The following LRP1B variants were observed in gnomAD, a reference collection of about 807,000 sequenced individuals.
The protein encoded by LRP1B is low-density lipoprotein receptor-related protein 1B.
LRP1B carries 217 observed loss-of-function variants against 556.6 expected under a neutral mutation model. The observed-to-expected ratio is 0.39, with a 90% CI of 0.35 to 0.44. The LOEUF is 0.44. LRP1B is among the 20% of genes least tolerant of loss of function. LRP1B has a pLI of 1.00. For missense variants in LRP1B, 5,053 were observed against 5,620.8 expected (o/e 0.90, Z 3.23); for synonymous variants, 2,047 against 1,865.8 (o/e 1.10, Z -2.50).
chr2:141,398,091 T>C (rs143434289), intron 3 of LRP1B, among the ~76,000 whole-genome samples: 10 of 152,190 alleles, frequency 6.6e-5, no homozygotes, highest in African/African-American at 2.4e-4. Context: ...ATCAATAATA[T>C]ATGTGAAATA....
In LRP1B at chr2:140,974,805, C is replaced by T. The variant is rs191168689; in HGVS notation, c.2887+7355G>A. 2.0e-5 allele frequency among the ~76,000 whole-genome samples: 3 copies of T among 152,292 alleles called. No homozygotes were observed. The East Asian group carries it at 5.8e-4, about 29-fold the overall frequency. On this transcript the variant is annotated intron_variant, in intron 18 of 90. Transcript: ENST00000389484. ...AACCATTTCATATAATAGGGGAGTA[C>T]TGCACAAGTCAACCTTCTGGAGAGA...
At chr2:141,339,427 TA>T (rs1326079059) in intron 3 of LRP1B, among the ~76,000 whole-genome samples, 1 of 152,212 alleles carries the variant, frequency 6.6e-6, no homozygotes, top group African/African-American at 2.4e-5. Context: ...GCTTTTCTTT[TA>T]CTACATATTG....
intron 2 of LRP1B, among the ~76,000 whole-genome samples, chr2:141,751,375 T>C (rs915533825): frequency 2.0e-5 from 3 of 152,192 alleles, no homozygotes; most frequent in Non-Finnish European, 4.4e-5. Context: ...AATTCATCTT[T>C]ACTGTAGTTT....
chr2:141,125,851 A>AAAC (rs1191894505), intron 7 of LRP1B, among the ~76,000 whole-genome samples: 2 of 147,942 alleles, frequency 1.4e-5, no homozygotes, highest in Admixed American at 6.7e-5. Context: ...ATGCAAAAAA[A>AAAC]AAAAAAAAAA....
At chr2:140,762,588 T>G (rs1688964557) in intron 35 of LRP1B, among the ~76,000 whole-genome samples, 1 of 152,092 alleles carries the variant, frequency 6.6e-6, no homozygotes, top group South Asian at 2.1e-4. Context: ...ATTCTAAAAA[T>G]ACTAAGGAAT....
intron 3 of LRP1B, among the ~76,000 whole-genome samples, chr2:141,344,883 C>A (rs1479679717): frequency 3.3e-5 from 5 of 152,084 alleles, no homozygotes; most frequent in African/African-American, 1.2e-4. Flanking sequence ...CTCAAGATGC[C>A]CACATCTTAG....
chr2:141,229,371 C>A lies in LRP1B; in HGVS notation c.662G>T (p.Gly221Val), dbSNP rs2105294195. ...FETIEVFYLN[G>V]SKMATLSSVN... ...TGAGCTTAGAGTTGCCATTTTACTT[C>A]CATTAAGATAGAAAACCTCAATTGT... The change falls in exon 6 of 91, where the codon GGA (glycine) becomes GTA (valine). Residue 221 changes from glycine (G) to valine (V), a missense_variant. Physicochemically the swap from Gly to Val is moderately radical, Grantham distance 109 (BLOSUM62 -3). This residue lies in a region of LRP1B where 3,619 missense variants were observed against 3,931.9 expected (regional missense o/e 0.92). Coordinates refer to ENST00000389484, the MANE Select transcript of LRP1B (RefSeq NM_018557.3). 1 of 1,610,218 alleles carries A rather than the reference C, an allele frequency of 6.2e-7. No individual in the cohort carries two copies. Among genetic ancestry groups the A allele is most frequent in the Non-Finnish European group, 8.5e-7 (1 of 1,177,016 alleles).
At chr2:140,639,847 C>A (rs1324944094) in intron 41 of LRP1B, among the ~76,000 whole-genome samples, 1 of 152,162 alleles carries the variant, frequency 6.6e-6, no homozygotes, top group Non-Finnish European at 1.5e-5. Context: ...CTCTTTCTAA[C>A]TCTCTCCAGC....
intron 73 of LRP1B, among the ~76,000 whole-genome samples, chr2:140,358,554 A>C (rs1355778007): frequency 2.0e-5 from 3 of 151,700 alleles, no homozygotes; most frequent in African/African-American, 2.4e-5. Flanking sequence ...TCTTTAAACA[A>C]GGAGCATTTA....
intron 66 of LRP1B, among the ~76,000 whole-genome samples, chr2:140,411,575 T>C (rs1178883835): frequency 3.3e-5 from 5 of 152,212 alleles, no homozygotes; most frequent in East Asian, 1.9e-4. Context: ...TTATGTGACA[T>C]GCCCAAGTCA....
At chr2:141,150,914 T>TGTGTGTGTGTGTGTGTGTGTGTGTG (rs1558894867) in intron 7 of LRP1B, among the ~76,000 whole-genome samples, 1 of 150,914 alleles carries the variant, frequency 6.6e-6, no homozygotes, top group African/African-American at 2.4e-5. Flanking sequence ...TGTGTGTGTG[T>TGTGTGTGTGTGTGTGTGTGTGTGTG]TTGCCATGCT....
At chr2:141,484,462 A>C (rs1159585092) in intron 2 of LRP1B, among the ~76,000 whole-genome samples, 1 of 151,828 alleles carries the variant, frequency 6.6e-6, no homozygotes, top group Non-Finnish European at 1.5e-5. Flanking sequence ...TTTTGGTTCC[A>C]TATGAACTTT....
At chr2:140,501,594 C>T (rs1689189894) in intron 55 of LRP1B, 93 bp downstream of exon 55, 1 of 861,150 alleles carries the variant, frequency 1.2e-6, no homozygotes. Context: ...ATTATGATGG[C>T]TTTTAACTTT....
At chr2:141,148,921 T>G (rs1224068097) in intron 7 of LRP1B, among the ~76,000 whole-genome samples, 1 of 151,984 alleles carries the variant, frequency 6.6e-6, no homozygotes, top group African/African-American at 2.4e-5. Context: ...CAGTCTCTAC[T>G]AAAAATACAA....
At chr2:141,156,743 A>AT (rs1702078028) in intron 7 of LRP1B, among the ~76,000 whole-genome samples, 1 of 152,164 alleles carries the variant, frequency 6.6e-6, no homozygotes, top group African/African-American at 2.4e-5. Flanking sequence ...AAGAATGAGC[A>AT]TAGGAAACCC....
intron 43 of LRP1B, among the ~76,000 whole-genome samples, chr2:140,577,263 T>C (rs1479835557): frequency 6.6e-6 from 1 of 151,930 alleles, no homozygotes; most frequent in African/African-American, 2.4e-5. Context: ...GGCGGGCAAA[T>C]CACAAGGTCA....
At chr2:141,942,791 G>A (rs1174823036) in intron 1 of LRP1B, among the ~76,000 whole-genome samples, 3 of 152,160 alleles carry the variant, frequency 2.0e-5, no homozygotes, top group African/African-American at 7.2e-5. Context: ...GAGACTAGGA[G>A]CTGTAAGCAG....
chr2:141,337,078 A>G (rs775075980), intron 3 of LRP1B, among the ~76,000 whole-genome samples: 3 of 152,170 alleles, frequency 2.0e-5, no homozygotes, highest in African/African-American at 4.8e-5. Context: ...GCTAGGACAC[A>G]TGATAGCTGT....
intron 27 of LRP1B, among the ~76,000 whole-genome samples, chr2:140,854,294 A>G (rs1692549406): frequency 6.6e-6 from 1 of 152,126 alleles, no homozygotes; most frequent in Admixed American, 6.5e-5. Flanking sequence ...ACAATTATGA[A>G]AAAATATATA....
Sources: allele counts gnomAD v4.1 joint callset (sites outside exome capture counted in the v4.1 genomes callset), GRCh38; gene constraint gnomAD v4.1.1; regional missense constraint gnomAD v4.1.1; transcripts MANE v1.5; gene names NCBI Gene and HGNC (gene_info 2026-07-23, HGNC 2026-07-21).